Variants in DMD observed in about 807,000 individuals in gnomAD.
DMD encodes the protein dystrophin, also known as mutant dystrophin.
A neutral mutation model predicts 330.1 loss-of-function variants in DMD; 63 were observed. That is an observed-to-expected ratio of 0.19 (90% confidence interval 0.16 to 0.24). DMD has a LOEUF of 0.24. DMD is among the 10% of genes least tolerant of loss of function. The pLI, the probability that DMD is intolerant of heterozygous loss-of-function variation, is 1.00. For synonymous variants in DMD, 1,223 were observed against 959.8 expected (o/e 1.27, Z -5.07); for missense variants, 3,344 against 2,684.1 (o/e 1.25, Z -5.43).
intron 43 of DMD, among the ~76,000 whole-genome samples, chrX:32,272,190 G>T (rs184953209): frequency 1.5e-4 from 17 of 111,918 alleles, no homozygotes; most frequent in African/African-American, 4.5e-4. Context: ...TAGGTAAACA[G>T]AGAGTTCTAT....
chrX:31,179,756 C>A (rs1172269989), intron 69 of DMD, among the ~76,000 whole-genome samples: 1 of 111,722 alleles, frequency 9.0e-6, no homozygotes. Context: ...AAAATAACAT[C>A]TTAGGAGATG....
rs2065074748 is a variant in DMD, at chrX:32,710,304, G to T, written c.650-11011C>A. ...TTGGCTCCCAGTTCTTTCATTTTGT[G>T]ACCTTGGATAAAGTTAAGCATAATG... On this transcript the variant is annotated intron_variant, in intron 7 of 78. Transcript: ENST00000357033. 2.7e-5 allele frequency among the ~76,000 whole-genome samples: 3 copies of T among 110,063 alleles called. No homozygotes were observed. In the South Asian group the frequency reaches 1.2e-3, roughly 42 times the overall value.
At chrX:32,540,206 A>T (rs775710114) in intron 17 of DMD, among the ~76,000 whole-genome samples, 1 of 111,392 alleles carries the variant, frequency 9.0e-6, no homozygotes, top group Non-Finnish European at 1.9e-5. Context: ...TTACTCTGAT[A>T]ATTACCTACG....
intron 1 of DMD, among the ~76,000 whole-genome samples, chrX:33,218,482 C>T (rs939660153): frequency 1.8e-5 from 2 of 110,803 alleles, no homozygotes; most frequent in Non-Finnish European, 3.8e-5. Context: ...GCCATTTGAA[C>T]TTTTTTGCCT....
At chrX:31,949,728 C>A (rs2095134989) in intron 45 of DMD, among the ~76,000 whole-genome samples, 1 of 110,667 alleles carries the variant, frequency 9.0e-6, no homozygotes, top group South Asian at 3.7e-4. Flanking sequence ...CTATTTTTTT[C>A]TTGAATCAGT....
At chrX:32,416,814 C>A (rs1318316000) in intron 29 of DMD, among the ~76,000 whole-genome samples, 2 of 111,795 alleles carry the variant, frequency 1.8e-5, no homozygotes, top group African/African-American at 6.5e-5. Flanking sequence ...GACAACCACG[C>A]TTCACTTCAC....
At chrX:32,761,385 CAT>C (rs2072271929) in intron 7 of DMD, among the ~76,000 whole-genome samples, 1 of 112,034 alleles carries the variant, frequency 8.9e-6, no homozygotes, top group Non-Finnish European at 1.9e-5. Flanking sequence ...TTTCCACAAT[CAT>C]AGAGTCTGAG....
At chrX:31,317,828 T>C (rs2056147974) in intron 62 of DMD, among the ~76,000 whole-genome samples, 1 of 111,807 alleles carries the variant, frequency 8.9e-6, no homozygotes, top group Non-Finnish European at 1.9e-5. Flanking sequence ...ATGTTTTCTA[T>C]GTTGATATCA....
intron 53 of DMD, among the ~76,000 whole-genome samples, chrX:31,659,643 A>G (rs1287962647): frequency 3.8e-5 from 3 of 78,212 alleles, no homozygotes; most frequent in Admixed American, 1.7e-4. Flanking sequence ...ATCTCGGAAA[A>G]AAAAAAAAAA....
intron 1 of DMD, among the ~76,000 whole-genome samples, chrX:33,204,694 G>A (rs988675466): frequency 1.8e-5 from 2 of 111,285 alleles, no homozygotes; most frequent in Admixed American, 1.9e-4. Flanking sequence ...ACAGTACCTG[G>A]CACAAAATGG....
rs372577502 is a variant in DMD at position 31,218,322 on chromosome X, C to A, written c.9361+4725G>T. On this transcript the variant is annotated intron_variant, in intron 64 of 78. Transcript: ENST00000357033. ...CTCTAGCACTTCATGATAACCAGTG[C>A]CTAATTACTCCTTTATTAAAGGAAA... Among the ~76,000 whole-genome samples the A allele has an allele frequency of 7.1e-4, 78 of 109,094 alleles. No individual in the cohort carries two copies. In the South Asian group the frequency reaches 0.03, roughly 42 times the overall value. 94.7% of individuals were successfully genotyped at this position (109,094 alleles called of 115,157 possible).
At chrX:32,698,847 AAATTT>A (rs2063855799) in intron 8 of DMD, among the ~76,000 whole-genome samples, 1 of 111,189 alleles carries the variant, frequency 9.0e-6, no homozygotes, top group Non-Finnish European at 1.9e-5. Flanking sequence ...TACACAATGG[AAATTT>A]AATATATTAT....
intron 59 of DMD, 91 bp from the exon 60 acceptor site, chrX:31,444,718 G>A (rs1258998389): frequency 7.2e-6 from 7 of 966,062 alleles, no homozygotes; most frequent in Admixed American, 2.3e-5. Flanking sequence ...AGGGTGCAGT[G>A]CCAGTAATGT....
At chrX:32,808,294 AAACT>A (rs1382366123) in intron 7 of DMD, among the ~76,000 whole-genome samples, 1 of 112,312 alleles carries the variant, frequency 8.9e-6, no homozygotes, top group Non-Finnish European at 1.9e-5. Flanking sequence ...CCAACTTCAC[AAACT>A]AACATTTTTG....
At chrX:32,768,712 C>T (rs1603390671) in intron 7 of DMD, among the ~76,000 whole-genome samples, 1 of 112,096 alleles carries the variant, frequency 8.9e-6, no homozygotes, top group East Asian at 2.8e-4. Context: ...ATATTTTCCT[C>T]TTATTGACTT....
chrX:31,652,145 GACT>G (rs2046027425), intron 54 of DMD, among the ~76,000 whole-genome samples: 1 of 111,690 alleles, frequency 9.0e-6, no homozygotes, highest in South Asian at 3.7e-4. Context: ...GACTCTCCTG[GACT>G]ACTTTTTCCC....
rs1054947350 is a variant in DMD, at chrX:32,017,395, A to G, written c.6439-48881T>C. ...TTTACAATGTATTTCAGGTCAACAA[A>G]CATTGGCATCGTCGTTGCATTTTTC... On this transcript the variant is annotated intron_variant, in intron 44 of 78. Coordinates refer to ENST00000357033, the MANE Select transcript of DMD (RefSeq NM_004006.3). Among the ~76,000 whole-genome samples, 8 of 112,112 alleles carry G rather than the reference A, an allele frequency of 7.1e-5. No individual in the cohort carries two copies. The Admixed American group carries it at 7.6e-4, about 11-fold the overall frequency.
chrX:32,166,249 G>A (rs2096868073), intron 44 of DMD, among the ~76,000 whole-genome samples: 1 of 110,611 alleles, frequency 9.0e-6, no homozygotes, highest in Non-Finnish European at 1.9e-5. Context: ...GAGCCCCGGA[G>A]TTCAAGAACA....
intron 2 of DMD, among the ~76,000 whole-genome samples, chrX:32,985,615 C>G (rs1181088824): frequency 9.0e-6 from 1 of 111,471 alleles, no homozygotes; most frequent in African/African-American, 3.3e-5. Context: ...CAGGAATTTT[C>G]ACAATTTCTA....
Sources: allele counts gnomAD v4.1 joint callset (sites outside exome capture counted in the v4.1 genomes callset), GRCh38; gene constraint gnomAD v4.1.1; transcripts MANE v1.5; gene names NCBI Gene and HGNC (gene_info 2026-07-23, HGNC 2026-07-21).